The following STXBP5L variants were observed in gnomAD, a reference collection of about 807,000 sequenced individuals.
STXBP5L encodes syntaxin-binding protein 5-like.
STXBP5L carries 65 observed loss-of-function variants against 144.5 expected under a neutral mutation model. That is an observed-to-expected ratio of 0.45 (90% CI 0.37 to 0.55). The LOEUF (loss-of-function observed/expected upper bound fraction) is 0.55. Among genes scored for constraint, STXBP5L ranks in the 20% least tolerant of loss-of-function variants. The probability of loss-of-function intolerance (pLI) is 0.00; values close to 1 mark genes in which losing one functional copy is unlikely to be tolerated. For synonymous variants in STXBP5L, 505 were observed against 469.6 expected, an observed-to-expected ratio of 1.08 and a Z score of -0.97; for missense variants, 1,298 against 1,405.5, an observed-to-expected ratio of 0.92 and a Z score of 1.22.
intron 6 of STXBP5L, 67 bp downstream of exon 6, chr3:121,115,126 C>G: frequency 7.0e-7 from 1 of 1,438,320 alleles, no homozygotes; most frequent in Non-Finnish European, 9.4e-7. Flanking sequence ...ACATGTAGGT[C>G]AAATTACAGT....
chr3:121,078,623 C>T (rs570292784), intron 5 of STXBP5L, among the ~76,000 whole-genome samples: 10 of 152,318 alleles, frequency 6.6e-5, no homozygotes, highest in South Asian at 2.1e-4. Context: ...CAGGAGCCCA[C>T]GGAGTGGGGG....
Position 121,082,623 on chromosome 3 carries a change from A to G in STXBP5L, c.471-32302A>G, listed in dbSNP as rs371712411. ...CTCTGAATCCATGTTTTTTAAATGA[A>G]GTTTCATAGGAGAATGGAGTACATG... is the stretch of plus-strand genomic sequence containing the variant. On this transcript the variant is annotated intron_variant, in intron 5 of 26. Transcript: ENST00000471454. Among the ~76,000 whole-genome samples the G allele has an allele frequency of 4.6e-5, 7 of 152,302 alleles. 1 individual carries two copies. The highest frequency in any genetic ancestry group is 1.4e-4 in the African/African-American group (6 of 41,572).
At chr3:121,208,462 C>A (rs1017699819) in intron 10 of STXBP5L, among the ~76,000 whole-genome samples, 6 of 151,834 alleles carry the variant, frequency 4.0e-5, no homozygotes, top group African/African-American at 1.5e-4. Context: ...TGCACAAGTA[C>A]CCTAGAACTT....
At chr3:121,050,754 T>G (rs964938571) in intron 5 of STXBP5L, among the ~76,000 whole-genome samples, 7 of 152,306 alleles carry the variant, frequency 4.6e-5, no homozygotes, top group Admixed American at 4.6e-4. Context: ...TCAATATAAA[T>G]GGACTAAATG....
chr3:121,077,832 G>T (rs939929118), intron 5 of STXBP5L, among the ~76,000 whole-genome samples: 5 of 152,086 alleles, frequency 3.3e-5, no homozygotes, highest in East Asian at 3.9e-4. Flanking sequence ...GTGTCGATTG[G>T]TGCATTCACA....
chr3:121,200,211 G>A (rs184598038), intron 9 of STXBP5L, among the ~76,000 whole-genome samples: 4 of 152,264 alleles, frequency 2.6e-5, no homozygotes, highest in Non-Finnish European at 5.9e-5. Context: ...TTAGTCTTGG[G>A]AGGGTGTATG....
intron 3 of STXBP5L, among the ~76,000 whole-genome samples, chr3:120,975,619 G>A (rs569119194): frequency 1.0e-3 from 159 of 152,258 alleles, no homozygotes; most frequent in African/African-American, 3.7e-3. Flanking sequence ...CCTGTCTTGT[G>A]CCAGTTTTCA....
At chr3:121,030,967 A>G (rs1249394254) in intron 3 of STXBP5L, among the ~76,000 whole-genome samples, 3 of 152,156 alleles carry the variant, frequency 2.0e-5, no homozygotes, top group Non-Finnish European at 2.9e-5. Flanking sequence ...CAAGAGCAAC[A>G]TCGCAAACCA....
At chr3:121,149,156 G>A (rs1024112611) in intron 7 of STXBP5L, among the ~76,000 whole-genome samples, 3 of 151,932 alleles carry the variant, frequency 2.0e-5, no homozygotes, top group South Asian at 2.1e-4. Flanking sequence ...GTTTTTTAAC[G>A]TGGATTGTAG....
rs575670795 is a variant in STXBP5L, at chr3:121,089,207, C to A, written c.471-25718C>A. Among the ~76,000 whole-genome samples the A allele has an allele frequency of 9.7e-4, 145 of 149,936 alleles. 1 individual carries two copies. Among genetic ancestry groups the A allele is most frequent in the African/African-American group, 3.1e-3 (129 of 40,988 alleles). On this transcript the variant is annotated intron_variant, in intron 5 of 26. Transcript: ENST00000471454. ...TTATATTTTTACTGTCTCTTTTTTC[C>A]CATACTTGATTTTTAAAAGTTTCTT...
intron 20 of STXBP5L, among the ~76,000 whole-genome samples, chr3:121,322,708 A>G (rs1430296681): frequency 6.6e-6 from 1 of 151,964 alleles, no homozygotes; most frequent in Admixed American, 6.6e-5. Context: ...GGGTGCGGAT[A>G]TATGCCCAGT....
intron 22 of STXBP5L, among the ~76,000 whole-genome samples, chr3:121,390,289 G>A (rs1361228837): frequency 6.6e-6 from 1 of 152,064 alleles, no homozygotes; most frequent in Non-Finnish European, 1.5e-5. Flanking sequence ...GTCTTTGCAT[G>A]TGAGATGGGT....
At chr3:121,120,311 A>C (rs961238876) in intron 6 of STXBP5L, among the ~76,000 whole-genome samples, 1 of 151,284 alleles carries the variant, frequency 6.6e-6, no homozygotes, top group East Asian at 1.9e-4. Flanking sequence ...AGAACACTGA[A>C]TTTATGTATA....
intron 3 of STXBP5L, among the ~76,000 whole-genome samples, chr3:121,033,383 G>C: frequency 9.3e-6 from 1 of 107,790 alleles, no homozygotes; most frequent in South Asian, 3.6e-4. Context: ...AGATCACATG[G>C]ACACAGGAAG....
chr3:121,075,134 A>G (rs1036218705), intron 5 of STXBP5L, among the ~76,000 whole-genome samples: 1 of 152,050 alleles, frequency 6.6e-6, no homozygotes, highest in East Asian at 1.9e-4. Flanking sequence ...TTAAATCCAT[A>G]TCTGACTTCT....
chr3:121,121,760 G>A (rs2044477135), intron 7 of STXBP5L, 56 bp downstream of exon 7: 4 of 1,346,698 alleles, frequency 3.0e-6, no homozygotes, highest in African/African-American at 1.5e-5. Context: ...TTGAAAAAAG[G>A]TGTTTCTTAC....
At chr3:121,103,368 T>C (rs2043530612) in intron 5 of STXBP5L, among the ~76,000 whole-genome samples, 1 of 152,058 alleles carries the variant, frequency 6.6e-6, no homozygotes, top group South Asian at 2.1e-4. Flanking sequence ...ATAAAGAAAA[T>C]GAAGTCATGT....
chr3:121,011,188 T>A (rs1944747758), intron 3 of STXBP5L, among the ~76,000 whole-genome samples: 1 of 151,128 alleles, frequency 6.6e-6, no homozygotes, highest in South Asian at 2.1e-4. Context: ...CGGTAACATT[T>A]AGGCTTGGCT....
At chr3:121,053,852 T>C (rs1262986032) in intron 5 of STXBP5L, among the ~76,000 whole-genome samples, 1 of 151,994 alleles carries the variant, frequency 6.6e-6, no homozygotes, top group Non-Finnish European at 1.5e-5. Flanking sequence ...GACAAAGGGC[T>C]AATATCCAGA....
Sources: gnomAD v4.1 joint callset for allele counts (sites outside exome capture counted in the v4.1 genomes callset) on GRCh38, gnomAD v4.1.1 for gene constraint, MANE v1.5 for transcripts, NCBI Gene and HGNC (gene_info 2026-07-23, HGNC 2026-07-21) for gene names.